Variants in SLC9A9 observed in about 807,000 individuals in gnomAD.
SLC9A9 encodes sodium/hydrogen exchanger 9.
In SLC9A9, 62 loss-of-function variants were observed where a neutral mutation model predicts 77.8. The ratio of observed to expected loss-of-function variants is 0.80; its 90% CI spans 0.65 to 0.98. SLC9A9 has a LOEUF of 0.98. Among genes scored for constraint, SLC9A9 ranks in the 50% least tolerant of loss-of-function variants. The probability of loss-of-function intolerance (pLI) is 0.00; values close to 1 mark genes in which losing one functional copy is unlikely to be tolerated. For missense variants in SLC9A9, 775 were observed against 774.9 expected (o/e 1.00, Z 0.00); for synonymous variants, 320 against 283.5 (o/e 1.13, Z -1.29).
intron 11 of SLC9A9, among the ~76,000 whole-genome samples, chr3:143,472,059 T>G (rs1265936250): frequency 3.3e-5 from 5 of 152,204 alleles, no homozygotes; most frequent in Non-Finnish European, 7.3e-5. Flanking sequence ...TAACTAAACT[T>G]AAATCACAGG....
intron 12 of SLC9A9, among the ~76,000 whole-genome samples, chr3:143,445,263 C>T (rs899230626): frequency 3.3e-5 from 5 of 152,172 alleles, no homozygotes; most frequent in Non-Finnish European, 5.9e-5. Context: ...GAGTATATCA[C>T]GGGGTTCCCC....
chr3:143,371,773 A>G (rs1207288037), intron 13 of SLC9A9, among the ~76,000 whole-genome samples: 1 of 152,264 alleles, frequency 6.6e-6, no homozygotes, highest in African/African-American at 2.4e-5. Flanking sequence ...GAAGAAGTCC[A>G]GCTGTAACTG....
At position 143,579,889 on chromosome 3, in the gene SLC9A9, A is replaced by G. The variant is rs113842366; in HGVS notation, c.756-1166T>C. Among the ~76,000 whole-genome samples, 6 of 152,356 alleles carry G rather than the reference A, an allele frequency of 3.9e-5. 1 individual carries two copies. The highest frequency in any genetic ancestry group is 1.4e-4 in the African/African-American group (6 of 41,586). On this transcript the variant is annotated intron_variant, in intron 6 of 15. Transcript: ENST00000316549. ...AACCAACTCCAATGCTTCTACAGGA[A>G]GATGTGTGGCATCAAAAAAGGTAGT... is the stretch of plus-strand genomic sequence containing the variant.
intron 14 of SLC9A9, among the ~76,000 whole-genome samples, chr3:143,360,502 C>T (rs941652713): frequency 6.6e-6 from 1 of 152,204 alleles, no homozygotes; most frequent in Non-Finnish European, 1.5e-5. Context: ...TATCTCTAGA[C>T]CCTCCCAGCC....
chr3:143,619,244 A>C (rs2038157014), intron 6 of SLC9A9, among the ~76,000 whole-genome samples: 1 of 152,254 alleles, frequency 6.6e-6, no homozygotes, highest in Non-Finnish European at 1.5e-5. Context: ...ACAGTTTCTC[A>C]AGCAAAATCC....
At chr3:143,810,118 G>A (rs954666500) in intron 2 of SLC9A9, among the ~76,000 whole-genome samples, 1 of 152,096 alleles carries the variant, frequency 6.6e-6, no homozygotes, top group South Asian at 2.1e-4. Context: ...TGTTCACGAG[G>A]ATGCAGCAAA....
chr3:143,548,619 C>T lies in SLC9A9; in HGVS notation c.1089+3743G>A, dbSNP rs75238198. ...ATAGGATGCTTTGGTATTCAAAATACAAATCCTTATGTTGCGTAACAGCAT... is the reference window on the plus strand; with the variant it reads ...ATAGGATGCTTTGGTATTCAAAATATAAATCCTTATGTTGCGTAACAGCAT... On this transcript the variant is annotated intron_variant, in intron 9 of 15. Coordinates refer to ENST00000316549, the MANE Select transcript of SLC9A9 (RefSeq NM_173653.4). Among the ~76,000 whole-genome samples, 1,448 of 152,272 alleles carry T rather than the reference C, an allele frequency of 9.5e-3. 27 individuals carry two copies. The highest frequency in any genetic ancestry group is 0.033 in the African/African-American group (1,373 of 41,538).
chr3:143,563,061 A>G lies in SLC9A9; in HGVS notation c.1001-10611T>C, dbSNP rs140889358. Among the ~76,000 whole-genome samples the G allele has an allele frequency of 2.3e-3, 351 of 152,294 alleles. 2 individuals carry two copies. Among genetic ancestry groups the G allele is most frequent in the African/African-American group, 8.0e-3 (332 of 41,564 alleles). On this transcript the variant is annotated intron_variant, in intron 8 of 15. Transcript: ENST00000316549. ...ATTGACTGCAGGGACTCATTTACACAATTTTGGATAAGAACTAGAACCAAC... is the reference window on the plus strand; with the variant it reads ...ATTGACTGCAGGGACTCATTTACACGATTTTGGATAAGAACTAGAACCAAC...
At chr3:143,757,235 G>A (rs2006954874) in intron 4 of SLC9A9, among the ~76,000 whole-genome samples, 1 of 152,090 alleles carries the variant, frequency 6.6e-6, no homozygotes, top group Non-Finnish European at 1.5e-5. Context: ...CTAAATCAAA[G>A]TCACCAGGCA....
chr3:143,696,024 T>G (rs925957126), intron 4 of SLC9A9, among the ~76,000 whole-genome samples: 3 of 152,180 alleles, frequency 2.0e-5, no homozygotes, highest in Non-Finnish European at 4.4e-5. Flanking sequence ...TTGTTTAAGT[T>G]CTTTGTAGAT....
intron 6 of SLC9A9, among the ~76,000 whole-genome samples, chr3:143,582,411 A>C (rs1210850672): frequency 1.3e-5 from 2 of 152,246 alleles, no homozygotes; most frequent in East Asian, 3.8e-4. Context: ...TCAAATACTC[A>C]GTGAATGTTA....
At chr3:143,782,050 A>G (rs1269913541) in intron 4 of SLC9A9, among the ~76,000 whole-genome samples, 2 of 152,224 alleles carry the variant, frequency 1.3e-5, no homozygotes, top group African/African-American at 4.8e-5. Flanking sequence ...GATGGTTCTA[A>G]GTGCTTAACA....
chr3:143,628,788 AAC>A (rs1288994062), intron 6 of SLC9A9, among the ~76,000 whole-genome samples: 3 of 152,208 alleles, frequency 2.0e-5, no homozygotes, highest in Non-Finnish European at 4.4e-5. Flanking sequence ...ACATTTTGTC[AAC>A]AGTCTCATTT....
At chr3:143,272,355 G>C (rs2108398476) in intron 14 of SLC9A9, among the ~76,000 whole-genome samples, 1 of 152,268 alleles carries the variant, frequency 6.6e-6, no homozygotes. Flanking sequence ...CCTTCACCTG[G>C]ATACAGTGTG....
chr3:143,526,927 G>A (rs957903482), intron 9 of SLC9A9, among the ~76,000 whole-genome samples: 2 of 152,118 alleles, frequency 1.3e-5, no homozygotes, highest in African/African-American at 4.8e-5. Context: ...GGGCACCCCT[G>A]GGGAACTGTG....
intron 4 of SLC9A9, among the ~76,000 whole-genome samples, chr3:143,780,754 T>C (rs1297868380): frequency 6.6e-6 from 1 of 152,148 alleles, no homozygotes; most frequent in Non-Finnish European, 1.5e-5. Flanking sequence ...CCACGAAAAC[T>C]GGCCAAGTGG....
intron 5 of SLC9A9, among the ~76,000 whole-genome samples, chr3:143,668,306 G>T (rs7629855): frequency 0.15 from 20,059 of 134,132 alleles, 2,081 homozygotes; most frequent in African/African-American, 0.32. Flanking sequence ...ACAGGGTGGG[G>T]AACATCACAC....
chr3:143,820,885 A>C (rs2009149027), intron 2 of SLC9A9, among the ~76,000 whole-genome samples: 1 of 151,560 alleles, frequency 6.6e-6, no homozygotes, highest in Admixed American at 6.6e-5. Flanking sequence ...GGAGCATCTC[A>C]ATCCTAGTCT....
At chr3:143,538,827 A>C (rs2036637431) in intron 9 of SLC9A9, among the ~76,000 whole-genome samples, 1 of 152,238 alleles carries the variant, frequency 6.6e-6, no homozygotes. Context: ...TGTGAGTCTC[A>C]ATGATCATGT....
Sources: allele counts gnomAD v4.1 joint callset (sites outside exome capture counted in the v4.1 genomes callset), GRCh38; gene constraint gnomAD v4.1.1; transcripts MANE v1.5; gene names NCBI Gene and HGNC (gene_info 2026-07-23, HGNC 2026-07-21).